Variants in WNT7B observed in about 807,000 individuals in gnomAD.
WNT7B encodes the protein protein Wnt-7b.
Under a neutral mutation model 38.2 loss-of-function variants are expected in WNT7B, and 19 were observed. The ratio of observed to expected loss-of-function variants is 0.50; its 90% CI spans 0.35 to 0.73. The LOEUF is 0.73. Among genes scored for constraint, WNT7B ranks in the 30% least tolerant of loss-of-function variants. WNT7B has a pLI of 0.01. For missense variants in WNT7B, 423 were observed against 507.9 expected (o/e 0.83, Z 1.61); for synonymous variants, 243 against 209.3 (o/e 1.16, Z -1.39).
At chr22:45,949,134 A>C (rs77118704) in intron 2 of WNT7B, among the ~76,000 whole-genome samples, 2 of 151,956 alleles carry the variant, frequency 1.3e-5, no homozygotes, top group African/African-American at 4.8e-5. Context: ...TCCGGCCCAA[A>C]AGTCACTTTT....
rs1931930066 is a variant in WNT7B, at chr22:45,951,409, T to A, written c.72-1263A>T. 6.7e-6 allele frequency among the ~76,000 whole-genome samples: 1 copy of A among 150,052 alleles called. No homozygotes were observed. ...TTTTTTTAATGAGGTGAAATTCCCA[T>A]AACATAAAATGAACCATTTTGAAGT... On this transcript the variant is annotated intron_variant, in intron 1 of 3. Coordinates refer to ENST00000339464, the MANE Select transcript of WNT7B (RefSeq NM_058238.3). This position sits in a 1 kb window ranked among gnomAD's most constrained non-coding sequence, Gnocchi z 4.8.
chr22:45,958,358 C>A (rs968409247), intron 1 of WNT7B, among the ~76,000 whole-genome samples: 2 of 152,190 alleles, frequency 1.3e-5, no homozygotes, highest in African/African-American at 4.8e-5. Flanking sequence ...CAGCATCTCA[C>A]CTGTGACCAG....
rs372979871 is a variant in WNT7B, at chr22:45,922,449, C to T, written c.*407G>A. 3 of 194,938 alleles carry T rather than the reference C, an allele frequency of 1.5e-5. No homozygotes were observed. The highest frequency in any genetic ancestry group is 5.3e-5 in the Admixed American group (1 of 18,990). The allele number at this position is 194,938 out of a possible 1,614,324, so 12.1% of individuals were successfully genotyped here. ...GAACTGGTCTGGAGAGGCCAGCCGG[C>T]GTAGCTTTTCTGTGTCCATGCCGCC... On this transcript the variant is annotated 3_prime_UTR_variant, in exon 4 of 4. Coordinates refer to ENST00000339464, the MANE Select transcript of WNT7B (RefSeq NM_058238.3).
intron 2 of WNT7B, among the ~76,000 whole-genome samples, chr22:45,948,684 G>A (rs1159614735): frequency 2.6e-5 from 4 of 152,114 alleles, no homozygotes; most frequent in Admixed American, 2.0e-4. Flanking sequence ...CTGAGCACCT[G>A]GGAGAGCCAT....
At chr22:45,967,573 A>T (rs1222594474) in intron 1 of WNT7B, among the ~76,000 whole-genome samples, 1 of 151,810 alleles carries the variant, frequency 6.6e-6, no homozygotes, top group African/African-American at 2.4e-5. Flanking sequence ...CTCATCCAAC[A>T]CCGCTATGCC....
At chr22:45,938,360 G>A (rs1931562431) in intron 2 of WNT7B, among the ~76,000 whole-genome samples, 1 of 152,142 alleles carries the variant, frequency 6.6e-6, no homozygotes, top group South Asian at 2.1e-4. Context: ...AAGATGGCTG[G>A]GTGCTGTGGC....
chr22:45,927,081 C>A (rs755793474), intron 3 of WNT7B: 2 of 985,304 alleles, frequency 2.0e-6, no homozygotes, highest in South Asian at 9.4e-5. Context: ...AGCCCCCAGG[C>A]CTCTGCAGAT....
At chr22:45,932,773 T>G (rs1267540958) in intron 2 of WNT7B, among the ~76,000 whole-genome samples, 3 of 152,120 alleles carry the variant, frequency 2.0e-5, no homozygotes, top group African/African-American at 7.2e-5. Context: ...TCCCTGCCCA[T>G]CTCAGCAACA....
intron 3 of WNT7B, among the ~76,000 whole-genome samples, chr22:45,923,893 G>A (rs1301309639): frequency 6.6e-6 from 1 of 152,212 alleles, no homozygotes; most frequent in Non-Finnish European, 1.5e-5. Context: ...GAGCAGGGGA[G>A]GCGAGTACAC....
Position 45,965,430 on chromosome 22 carries a change from G to T in WNT7B, c.71+11254C>A, listed in dbSNP as rs1375270428. Reference sequence around the variant, plus strand: ...CGCGGGGGCTGCCGTCACGCTGTGGGCATGAAGGGAAAGTTCAGGGTGGTG... The same window carrying T: ...CGCGGGGGCTGCCGTCACGCTGTGGTCATGAAGGGAAAGTTCAGGGTGGTG... On this transcript the variant is annotated intron_variant, in intron 1 of 3. Coordinates refer to ENST00000339464, the MANE Select transcript of WNT7B (RefSeq NM_058238.3). The surrounding 1 kb of genome is among the most constrained non-coding windows in gnomAD (Gnocchi z 6.5). Among the ~76,000 whole-genome samples, 5 of 152,214 alleles carry T rather than the reference G, an allele frequency of 3.3e-5. No individual in the cohort carries two copies.
At chr22:45,928,671 C>T (rs79184832) in intron 3 of WNT7B, among the ~76,000 whole-genome samples, 5,002 of 136,846 alleles carry the variant, frequency 0.037, 98 homozygotes, top group East Asian at 0.059. Context: ...ACTTGTGAGT[C>T]ACCAGACACC....
chr22:45,946,538 T>C (rs1462230747), intron 2 of WNT7B, among the ~76,000 whole-genome samples: 2 of 152,150 alleles, frequency 1.3e-5, no homozygotes, highest in Non-Finnish European at 2.9e-5. Flanking sequence ...TCTAAGCTCA[T>C]TTCCAGTCAA....
chr22:45,927,461 A>C (rs1191223071), intron 3 of WNT7B: 5 of 1,549,686 alleles, frequency 3.2e-6, no homozygotes, highest in Non-Finnish European at 4.4e-6. Context: ...GCAACCCCCC[A>C]AATTCATGTC....
intron 1 of WNT7B, among the ~76,000 whole-genome samples, chr22:45,953,347 T>C (rs1931983292): frequency 6.6e-6 from 1 of 151,860 alleles, no homozygotes; most frequent in African/African-American, 2.4e-5. Flanking sequence ...TGTCCCCAGC[T>C]TCCCCTCACA....
rs1385518255 is a variant in WNT7B at position 45,920,711 on chromosome 22, GGGGATGGGATGAGGGATGAGATGAGGGAT to G, written c.*2116_*2144del. 1 of 132,706 alleles carries G rather than the reference GGGGATGGGATGAGGGATGAGATGAGGGAT, an allele frequency of 7.5e-6. No individual in the cohort carries two copies. Among genetic ancestry groups the G allele is most frequent in the African/African-American group, 3.1e-5 (1 of 31,840 alleles). The allele number at this position is 132,706 out of a possible 1,614,324, so 8.2% of individuals were successfully genotyped here. A position where few individuals can be genotyped will look rare whatever the true frequency, so the allele number is the denominator to read the frequency against. On this transcript the variant is annotated 3_prime_UTR_variant, in exon 4 of 4. Coordinates refer to ENST00000339464, the MANE Select transcript of WNT7B (RefSeq NM_058238.3). ...GGGGGATGGGGTCAGGGATGGGATG[GGGGATGGGATGAGGGATGAGATGAGGGAT>G]GGGATGGGATGGGGGATGAGGGATG... is the stretch of plus-strand genomic sequence containing the variant.
At position 45,922,443 on chromosome 22, in the gene WNT7B, A is replaced by C; in HGVS notation, c.*413T>G. 2.1e-5 allele frequency: 4 copies of C among 189,442 alleles called. No individual in the cohort carries two copies. The highest frequency in any genetic ancestry group is 5.3e-5 in the Admixed American group (1 of 18,846). 11.7% of individuals were successfully genotyped at this position (189,442 alleles called of 1,614,324 possible). A position where few individuals can be genotyped will look rare whatever the true frequency, so the allele number is the denominator to read the frequency against. On this transcript the variant is annotated 3_prime_UTR_variant, in exon 4 of 4. Transcript: ENST00000339464. ...GCCTGGGAACTGGTCTGGAGAGGCCAGCCGGCGTAGCTTTTCTGTGTCCAT... is the reference window on the plus strand; with the variant it reads ...GCCTGGGAACTGGTCTGGAGAGGCCCGCCGGCGTAGCTTTTCTGTGTCCAT...
At chr22:45,933,926 G>C (rs1021359470) in intron 2 of WNT7B, among the ~76,000 whole-genome samples, 23 of 152,224 alleles carry the variant, frequency 1.5e-4, no homozygotes, top group African/African-American at 5.1e-4. Flanking sequence ...CCAGCTGCTG[G>C]GGAGGGCTGG....
chr22:45,963,838 A>G (rs575300270), intron 1 of WNT7B, among the ~76,000 whole-genome samples: 1 of 152,260 alleles, frequency 6.6e-6, no homozygotes, highest in Non-Finnish European at 1.5e-5. Flanking sequence ...GCTCCAAAGC[A>G]GGGGACTCCC....
At chr22:45,929,744 C>T (rs796584038) in intron 3 of WNT7B, among the ~76,000 whole-genome samples, 3 of 149,458 alleles carry the variant, frequency 2.0e-5, no homozygotes, top group South Asian at 2.1e-4. Flanking sequence ...ACCCACCGAT[C>T]CATCCTTTCA....
Sources: allele counts gnomAD v4.1 joint callset (sites outside exome capture counted in the v4.1 genomes callset), GRCh38; gene constraint gnomAD v4.1.1; non-coding constraint Gnocchi (gnomAD v3.1); transcripts MANE v1.5; gene names NCBI Gene and HGNC (gene_info 2026-07-23, HGNC 2026-07-21).